SCARA5: variants seen among roughly 807,000 people sequenced by gnomAD.
SCARA5 encodes scavenger receptor class A, member 5 (putative).
Under a neutral mutation model 46.3 loss-of-function variants are expected in SCARA5, and 45 were observed. The ratio of observed to expected loss-of-function variants is 0.97; its 90% CI spans 0.76 to 1.24. The LOEUF is 1.24. Among genes scored for constraint, SCARA5 ranks in the 50% most tolerant of loss-of-function variants. The pLI, the probability that SCARA5 is intolerant of heterozygous loss-of-function variation, is 0.00. For missense variants in SCARA5, 680 were observed against 689.0 expected, an observed-to-expected ratio of 0.99 and a Z score of 0.15; for synonymous variants, 333 against 306.5, an observed-to-expected ratio of 1.09 and a Z score of -0.90.
intron 3 of SCARA5, among the ~76,000 whole-genome samples, chr8:27,927,508 A>T (rs1299390601): frequency 6.6e-6 from 1 of 151,630 alleles, no homozygotes; most frequent in Non-Finnish European, 1.5e-5. Context: ...TTCCCACCTA[A>T]TATTATTATT....
chr8:27,975,852 T>C (rs1483305112), intron 2 of SCARA5, among the ~76,000 whole-genome samples: 1 of 152,002 alleles, frequency 6.6e-6, no homozygotes, highest in South Asian at 2.1e-4. Context: ...CACCCAAGCC[T>C]TTCACACCCA....
intron 3 of SCARA5, among the ~76,000 whole-genome samples, chr8:27,923,162 TG>T (rs1216509071): frequency 6.6e-6 from 1 of 152,258 alleles, no homozygotes; most frequent in East Asian, 1.9e-4. Context: ...CTCCAGAGCC[TG>T]GGGGCTTCCC....
rs549684747 is a variant in SCARA5 at position 27,928,827 on chromosome 8, G to A, written c.242-6582C>T. On this transcript the variant is annotated intron_variant, in intron 3 of 8. Transcript: ENST00000354914. ...ACTACAGGCACCCACCACCACACCC[G>A]GCTAGTTTTTGTATTTTTAGTAGGG... is the stretch of plus-strand genomic sequence containing the variant. 1.8e-4 allele frequency among the ~76,000 whole-genome samples: 28 copies of A among 151,922 alleles called. No homozygotes were observed. In the South Asian group the frequency reaches 4.0e-3, roughly 22 times the overall value.
At chr8:27,958,391 C>T (rs906231818) in intron 3 of SCARA5, among the ~76,000 whole-genome samples, 1 of 152,146 alleles carries the variant, frequency 6.6e-6, no homozygotes, top group Non-Finnish European at 1.5e-5. Flanking sequence ...GAGGTGGGGG[C>T]AGGGGAAGTA....
intron 3 of SCARA5, among the ~76,000 whole-genome samples, chr8:27,958,998 C>T (rs1432081671): frequency 1.3e-5 from 2 of 151,968 alleles, no homozygotes; most frequent in East Asian, 1.9e-4. Flanking sequence ...GTTGGGAGGC[C>T]GAGGCAGGAA....
chr8:27,948,798 G>C (rs1242480249), intron 3 of SCARA5, among the ~76,000 whole-genome samples: 2 of 152,206 alleles, frequency 1.3e-5, no homozygotes, highest in African/African-American at 4.8e-5. Flanking sequence ...GACGGGAATG[G>C]GCACTTTTCC....
intron 3 of SCARA5, among the ~76,000 whole-genome samples, chr8:27,947,014 CTT>C (rs1358571998): frequency 1.7e-4 from 23 of 138,282 alleles, no homozygotes; most frequent in Admixed American, 3.6e-4. Context: ...TCCTGTTGGG[CTT>C]TTTTTTTTTT....
At chr8:27,946,328 T>C (rs531152258) in intron 3 of SCARA5, among the ~76,000 whole-genome samples, 3 of 152,320 alleles carry the variant, frequency 2.0e-5, no homozygotes, top group South Asian at 4.1e-4. Context: ...CAACTGACTT[T>C]AGAGGAGTGG....
intron 7 of SCARA5, chr8:27,904,441 A>G: frequency 2.1e-6 from 1 of 481,114 alleles, no homozygotes; most frequent in Non-Finnish European, 3.7e-6. Flanking sequence ...CAATGACCTT[A>G]TAAGGTAAAG....
At chr8:27,931,694 C>T (rs112930271) in intron 3 of SCARA5, among the ~76,000 whole-genome samples, 5,718 of 152,186 alleles carry the variant, frequency 0.038, 249 homozygotes, top group African/African-American at 0.11. Context: ...CACAGAGTCT[C>T]GCTCTGTCAC....
intron 2 of SCARA5, among the ~76,000 whole-genome samples, chr8:27,975,031 G>T (rs1308642907): frequency 1.3e-5 from 2 of 152,076 alleles, no homozygotes; most frequent in Non-Finnish European, 2.9e-5. Context: ...TCAGGATGGA[G>T]GCTGGCCACT....
rs554313223 is a variant in SCARA5 at position 27,983,358 on chromosome 8, G to A, written c.112+4146C>T. ...TGTTGGGGGTGCCAGCAGCCACATC[G>A]TGAACAGAGCTTTTCCAGGCTTAAG... On this transcript the variant is annotated intron_variant, in intron 2 of 8. Coordinates refer to ENST00000354914, the MANE Select transcript of SCARA5 (RefSeq NM_173833.6). 1.9e-3 allele frequency among the ~76,000 whole-genome samples: 287 copies of A among 152,312 alleles called. 1 individual carries two copies. The highest frequency in any genetic ancestry group is 6.8e-3 in the Middle Eastern group (2 of 294).
rs1167515803 is a variant in SCARA5, at chr8:27,975,106, A to C, written c.113-8564T>G. On this transcript the variant is annotated intron_variant, in intron 2 of 8. Transcript: ENST00000354914. ...CCTTACCCCCAACCTCCAGGAAAAGAGAGAGGCTGAAGGTTGAGTTGATCA... is the reference window on the plus strand; with the variant it reads ...CCTTACCCCCAACCTCCAGGAAAAGCGAGAGGCTGAAGGTTGAGTTGATCA... 3.9e-5 allele frequency among the ~76,000 whole-genome samples: 6 copies of C among 152,148 alleles called. 1 individual carries two copies.
intron 3 of SCARA5, among the ~76,000 whole-genome samples, chr8:27,945,597 G>T (rs1463960562): frequency 6.6e-6 from 1 of 152,154 alleles, no homozygotes; most frequent in Admixed American, 6.5e-5. Context: ...AGCAGGTTGG[G>T]TACAAAGAAA....
intron 2 of SCARA5, among the ~76,000 whole-genome samples, chr8:27,980,772 C>T (rs923898527): frequency 2.0e-5 from 3 of 152,200 alleles, no homozygotes; most frequent in Non-Finnish European, 4.4e-5. Flanking sequence ...AATCAGGAGC[C>T]CTCAGGGCCC....
chr8:27,881,501 G>C lies in SCARA5; in HGVS notation c.1154-1735C>G, dbSNP rs114981166. ...ACTTTTAAGTGGGAGCTAAACACAGGGGTGGGGGTGGGAATACAAGATGGG... is the reference window on the plus strand; with the variant it reads ...ACTTTTAAGTGGGAGCTAAACACAGCGGTGGGGGTGGGAATACAAGATGGG... On this transcript the variant is annotated intron_variant, in intron 7 of 8. Transcript: ENST00000354914. Among the ~76,000 whole-genome samples, 454 of 151,162 alleles carry C rather than the reference G, an allele frequency of 3.0e-3. 3 individuals carry two copies. Among genetic ancestry groups the C allele is most frequent in the African/African-American group, 0.011 (436 of 41,098 alleles).
chr8:27,916,427 G>A (rs953057979), intron 4 of SCARA5, among the ~76,000 whole-genome samples: 3 of 152,098 alleles, frequency 2.0e-5, no homozygotes, highest in African/African-American at 7.2e-5. Flanking sequence ...GTGTACACAT[G>A]GGTATGTGTG....
At chr8:27,912,761 G>C (rs889505831) in intron 4 of SCARA5, among the ~76,000 whole-genome samples, 2 of 152,228 alleles carry the variant, frequency 1.3e-5, no homozygotes, top group African/African-American at 4.8e-5. Context: ...CTCAGATGCA[G>C]GTGCAACCTG....
intron 7 of SCARA5, among the ~76,000 whole-genome samples, chr8:27,889,100 C>T (rs888093866): frequency 5.3e-5 from 8 of 152,158 alleles, no homozygotes; most frequent in Non-Finnish European, 1.2e-4. Flanking sequence ...CCTCAGCCAC[C>T]CTCCTTCTAC....
Sources: allele counts gnomAD v4.1 joint callset (sites outside exome capture counted in the v4.1 genomes callset), GRCh38; gene constraint gnomAD v4.1.1; transcripts MANE v1.5; gene names NCBI Gene and HGNC (gene_info 2026-07-23, HGNC 2026-07-21).